ZNF804B: variants seen among roughly 807,000 people sequenced by gnomAD.
ZNF804B encodes zinc finger 804B.
In ZNF804B, 80 loss-of-function variants were observed where a neutral mutation model predicts 101.4. The ratio of observed to expected loss-of-function variants is 0.79; its 90% CI spans 0.66 to 0.95. The LOEUF (loss-of-function observed/expected upper bound fraction) is 0.95, where lower values mean the gene tolerates loss of function less well. Ranked by LOEUF, ZNF804B falls within the 40% of genes least tolerant of loss-of-function variation. The pLI is 0.00. For synonymous variants in ZNF804B, 622 were observed against 558.8 expected (o/e 1.11, Z -1.59); for missense variants, 1,673 against 1,561.9 (o/e 1.07, Z -1.20).
chr7:89,047,442 A>G (rs1019760108), intron 1 of ZNF804B, among the ~76,000 whole-genome samples: 9 of 152,192 alleles, frequency 5.9e-5, no homozygotes, highest in African/African-American at 2.2e-4. Context: ...CTGAAGAGTG[A>G]AATTTGGAAA....
At chr7:88,911,110 A>G (rs1167814750) in intron 1 of ZNF804B, among the ~76,000 whole-genome samples, 3 of 152,064 alleles carry the variant, frequency 2.0e-5, no homozygotes, top group Non-Finnish European at 2.9e-5. Flanking sequence ...AGAAAAGAAC[A>G]GTGAAACAAT....
At chr7:88,863,019 T>C (rs914982818) in intron 1 of ZNF804B, among the ~76,000 whole-genome samples, 2 of 152,186 alleles carry the variant, frequency 1.3e-5, no homozygotes, top group African/African-American at 2.4e-5. Flanking sequence ...GTGGCCATGA[T>C]GATAAAAGCC....
At chr7:88,853,393 A>G (rs1285679753) in intron 1 of ZNF804B, among the ~76,000 whole-genome samples, 1 of 152,144 alleles carries the variant, frequency 6.6e-6, no homozygotes, top group Non-Finnish European at 1.5e-5. Context: ...TGTGATGTCA[A>G]GGCTCCATAA....
intron 1 of ZNF804B, among the ~76,000 whole-genome samples, chr7:88,888,823 G>A (rs1792172982): frequency 6.6e-6 from 1 of 152,058 alleles, no homozygotes; most frequent in East Asian, 1.9e-4. Context: ...AAAGTCACAA[G>A]ACACTTACCG....
intron 1 of ZNF804B, among the ~76,000 whole-genome samples, chr7:88,835,548 C>A (rs1373600534): frequency 6.6e-6 from 1 of 151,792 alleles, no homozygotes; most frequent in African/African-American, 2.4e-5. Flanking sequence ...CTTAAATAAG[C>A]TTGAATTCAA....
At chr7:88,803,678 T>G (rs1011111754) in intron 1 of ZNF804B, among the ~76,000 whole-genome samples, 6 of 152,114 alleles carry the variant, frequency 3.9e-5, no homozygotes, top group Non-Finnish European at 8.8e-5. Flanking sequence ...TGCCCAGATT[T>G]GGGAAGAAAA....
At chr7:88,944,503 A>T (rs1048386852) in intron 1 of ZNF804B, among the ~76,000 whole-genome samples, 3 of 151,800 alleles carry the variant, frequency 2.0e-5, no homozygotes, top group Non-Finnish European at 2.9e-5. Flanking sequence ...TATCATACAC[A>T]CATACATATG....
intron 1 of ZNF804B, among the ~76,000 whole-genome samples, chr7:88,872,425 AAAAAT>A (rs1375333850): frequency 6.6e-6 from 1 of 152,168 alleles, no homozygotes; most frequent in East Asian, 1.9e-4. Context: ...CCTAAAAGAA[AAAAAT>A]AAAATCCATG....
chr7:89,168,726 A>C, intron 1 of ZNF804B, among the ~76,000 whole-genome samples: 1 of 138,814 alleles, frequency 7.2e-6, no homozygotes. Context: ...GCTCATGCTC[A>C]AAGTGGAGTT....
At chr7:89,039,127 T>C (rs1356928789) in intron 1 of ZNF804B, among the ~76,000 whole-genome samples, 1 of 152,068 alleles carries the variant, frequency 6.6e-6, no homozygotes, top group Non-Finnish European at 1.5e-5. Flanking sequence ...TGTTCTTTTT[T>C]CTTAAGATTT....
At chr7:89,065,181 C>G (rs1228087665) in intron 1 of ZNF804B, among the ~76,000 whole-genome samples, 1 of 152,136 alleles carries the variant, frequency 6.6e-6, no homozygotes, top group Non-Finnish European at 1.5e-5. Context: ...AGCAAGTAAA[C>G]TACAGAGCAT....
At position 89,314,487 on chromosome 7, in the gene ZNF804B, C is replaced by T. The variant is rs577747670; in HGVS notation, c.250-12857C>T. ...CCCACTGCTGGTTGAGTCAAGCATT[C>T]TTTGCACATCCTGCTTCACAAAGTT... On this transcript the variant is annotated intron_variant, in intron 2 of 3. Transcript: ENST00000333190. Among the ~76,000 whole-genome samples the T allele has an allele frequency of 1.1e-3, 170 of 152,288 alleles. 1 individual carries two copies. Among genetic ancestry groups the T allele is most frequent in the Middle Eastern group, 0.01 (3 of 294 alleles).
intron 2 of ZNF804B, among the ~76,000 whole-genome samples, chr7:89,310,404 T>A (rs1406562096): frequency 6.6e-6 from 1 of 152,166 alleles, no homozygotes; most frequent in African/African-American, 2.4e-5. Flanking sequence ...GTGTCTCTAT[T>A]TTATATAAGA....
Position 89,049,353 on chromosome 7 carries a change from G to C in ZNF804B, c.109-168802G>C, listed in dbSNP as rs117475911. 2.6e-3 allele frequency among the ~76,000 whole-genome samples: 399 copies of C among 152,246 alleles called. 2 individuals are homozygous for C. Among genetic ancestry groups the C allele is most frequent in the Non-Finnish European group, 3.8e-3 (258 of 68,020 alleles). On this transcript the variant is annotated intron_variant, in intron 1 of 3. Transcript: ENST00000333190. ...ACTGAGAAGTGTGAATGATCTTATG[G>C]TTCACTTCTCTGATGTGTTGGAGTT...
intron 1 of ZNF804B, among the ~76,000 whole-genome samples, chr7:89,179,636 A>T (rs182778483): frequency 2.0e-5 from 3 of 152,270 alleles, no homozygotes; most frequent in Non-Finnish European, 2.9e-5. Context: ...AGGATTAGTC[A>T]CTGGTGCCTT....
At chr7:88,931,877 A>T (rs960527299) in intron 1 of ZNF804B, among the ~76,000 whole-genome samples, 2 of 151,930 alleles carry the variant, frequency 1.3e-5, no homozygotes, top group Admixed American at 1.3e-4. Context: ...TGTTAATAAA[A>T]ATACAAAATT....
Position 88,938,233 on chromosome 7 carries a change from A to G in ZNF804B, c.108+178149A>G, listed in dbSNP as rs541254502. ...AAGGGAATGTTCAGGTTAAGATAAA[A>G]GATTGTGCAGACCAAAGTTCTTTTG... On this transcript the variant is annotated intron_variant, in intron 1 of 3. Transcript: ENST00000333190. Among the ~76,000 whole-genome samples the G allele has an allele frequency of 2.6e-5, 4 of 152,134 alleles. No homozygotes were observed. In the East Asian group the frequency reaches 7.8e-4, roughly 30 times the overall value.
intron 2 of ZNF804B, among the ~76,000 whole-genome samples, chr7:89,325,369 A>G (rs1231779634): frequency 6.6e-6 from 1 of 151,998 alleles, no homozygotes; most frequent in African/African-American, 2.4e-5. Flanking sequence ...TCCAAAGCAC[A>G]TTGTGTACAC....
intron 1 of ZNF804B, among the ~76,000 whole-genome samples, chr7:88,989,293 C>T (rs555616012): frequency 6.6e-6 from 1 of 152,110 alleles, no homozygotes; most frequent in African/African-American, 2.4e-5. Context: ...TAAATTATCT[C>T]CAGGGTTGGC....
Sources: allele counts gnomAD v4.1 joint callset (sites outside exome capture counted in the v4.1 genomes callset), GRCh38; gene constraint gnomAD v4.1.1; transcripts MANE v1.5; gene names NCBI Gene and HGNC (gene_info 2026-07-23, HGNC 2026-07-21).